Variants in ESRRG observed in about 807,000 individuals in gnomAD.
The protein encoded by ESRRG is estrogen-related receptor gamma.
A neutral mutation model predicts 44.0 loss-of-function variants in ESRRG; 13 were observed. The observed-to-expected ratio is 0.30, with a 90% confidence interval of 0.19 to 0.47. ESRRG has a LOEUF of 0.47. ESRRG is among the 20% of genes least tolerant of loss of function. The pLI is 1.00. For synonymous variants in ESRRG, 215 were observed against 214.6 expected, an observed-to-expected ratio of 1.00 and a Z score of -0.02; for missense variants, 395 against 580.6, an observed-to-expected ratio of 0.68 and a Z score of 3.29.
intron 2 of ESRRG, among the ~76,000 whole-genome samples, chr1:216,739,008 A>T (rs530728123): frequency 6.6e-6 from 1 of 152,236 alleles, no homozygotes; most frequent in East Asian, 1.9e-4. Flanking sequence ...GTCCCACTGC[A>T]ACCAGCCCCT....
chr1:216,898,853 A>G (rs1365251773), intron 2 of ESRRG, among the ~76,000 whole-genome samples: 2 of 152,192 alleles, frequency 1.3e-5, no homozygotes, highest in African/African-American at 4.8e-5. Flanking sequence ...AAACATGTCT[A>G]TGGAACACTG....
chr1:216,669,300 G>T (rs2074659751), intron 2 of ESRRG, among the ~76,000 whole-genome samples: 1 of 152,118 alleles, frequency 6.6e-6, no homozygotes, highest in South Asian at 2.1e-4. Context: ...CGTGGAAAAG[G>T]AATCACTACT....
intron 2 of ESRRG, among the ~76,000 whole-genome samples, chr1:216,886,244 C>T (rs1202406283): frequency 6.6e-6 from 1 of 152,134 alleles, no homozygotes. Context: ...ATGCACTGTC[C>T]TGTAGGGTCA....
chr1:216,983,532 G>C (rs747602528), intron 1 of ESRRG, among the ~76,000 whole-genome samples: 1 of 152,010 alleles, frequency 6.6e-6, no homozygotes, highest in African/African-American at 2.4e-5. Context: ...GATTTTTTTG[G>C]TGAGGGAGTT....
intron 2 of ESRRG, chr1:216,936,729 A>G (rs2149892701): frequency 6.6e-6 from 1 of 152,178 alleles, no homozygotes; most frequent in Non-Finnish European, 1.5e-5. Flanking sequence ...AAGAAGGAGA[A>G]GAAGACAAAC....
At chr1:216,944,688 T>A (rs1578473410) in intron 1 of ESRRG, among the ~76,000 whole-genome samples, 1 of 152,300 alleles carries the variant, frequency 6.6e-6, no homozygotes, top group Admixed American at 6.5e-5. Flanking sequence ...AAGTCATGAC[T>A]AGAAGCCAGA....
intron 2 of ESRRG, among the ~76,000 whole-genome samples, chr1:216,748,089 T>C (rs1462522888): frequency 6.6e-6 from 1 of 152,162 alleles, no homozygotes; most frequent in Admixed American, 6.6e-5. Flanking sequence ...ATTATTGATT[T>C]ACAAATAAAG....
chr1:216,857,116 C>T (rs566205047), intron 2 of ESRRG, among the ~76,000 whole-genome samples: 22 of 151,964 alleles, frequency 1.4e-4, no homozygotes, highest in Non-Finnish European at 2.2e-4. Flanking sequence ...TAATTTTTTA[C>T]GCTAATAATA....
intron 1 of ESRRG, among the ~76,000 whole-genome samples, chr1:217,125,783 A>G (rs2092881746): frequency 6.6e-6 from 1 of 152,194 alleles, no homozygotes; most frequent in South Asian, 2.1e-4. Flanking sequence ...TTATTATCAT[A>G]TGTGGTCAGA....
intron 2 of ESRRG, among the ~76,000 whole-genome samples, chr1:216,813,278 G>A (rs1432409440): frequency 6.6e-6 from 1 of 152,162 alleles, no homozygotes; most frequent in Non-Finnish European, 1.5e-5. Flanking sequence ...ACACTAAGTG[G>A]CTCAGCTGTG....
At chr1:216,805,693 T>C (rs540863733) in intron 2 of ESRRG, among the ~76,000 whole-genome samples, 7 of 152,016 alleles carry the variant, frequency 4.6e-5, no homozygotes, top group African/African-American at 1.4e-4. Flanking sequence ...GCAGTGACAA[T>C]TTGCTGAATC....
At chr1:216,661,990 C>G (rs2072572286) in intron 2 of ESRRG, among the ~76,000 whole-genome samples, 3 of 152,056 alleles carry the variant, frequency 2.0e-5, no homozygotes, top group African/African-American at 7.2e-5. Flanking sequence ...TTGGAGTTAC[C>G]TTCTTTATGA....
intron 2 of ESRRG, among the ~76,000 whole-genome samples, chr1:216,806,355 G>A (rs186267026): frequency 6.6e-6 from 1 of 152,288 alleles, no homozygotes; most frequent in Non-Finnish European, 1.5e-5. Flanking sequence ...GTTGCTGCAA[G>A]CCAATTACCT....
chr1:217,031,538 C>A (rs1456731594), intron 1 of ESRRG, among the ~76,000 whole-genome samples: 2 of 152,196 alleles, frequency 1.3e-5, no homozygotes, highest in Non-Finnish European at 2.9e-5. Context: ...AGAAACTCAG[C>A]CAAGGGAGAA....
intron 2 of ESRRG, among the ~76,000 whole-genome samples, chr1:216,847,154 C>A (rs1039204095): frequency 3.9e-5 from 6 of 151,994 alleles, no homozygotes; most frequent in African/African-American, 9.7e-5. Context: ...GTACCAGTTA[C>A]AGTACATCAA....
chr1:217,131,971 C>T (rs549957755), intron 1 of ESRRG, among the ~76,000 whole-genome samples: 2 of 152,236 alleles, frequency 1.3e-5, no homozygotes, highest in Admixed American at 6.5e-5. Context: ...AGACACTGAC[C>T]TCTTAGAAAA....
chr1:216,975,495 A>G (rs1177126577), intron 1 of ESRRG, among the ~76,000 whole-genome samples: 1 of 152,200 alleles, frequency 6.6e-6, no homozygotes, highest in African/African-American at 2.4e-5. Flanking sequence ...TTGCCCTGCC[A>G]ATTTGGCGGA....
At chr1:217,133,506 G>A (rs2092994178) in intron 1 of ESRRG, among the ~76,000 whole-genome samples, 1 of 152,256 alleles carries the variant, frequency 6.6e-6, no homozygotes. Context: ...AAATGTGTCT[G>A]AGGGTCCTTG....
At chr1:216,772,459 T>TAG (rs1170822538) in intron 2 of ESRRG, among the ~76,000 whole-genome samples, 1 of 152,146 alleles carries the variant, frequency 6.6e-6, no homozygotes, top group African/African-American at 2.4e-5. Flanking sequence ...TATATCACTC[T>TAG]ACCTTTAACC....
Sources: gnomAD v4.1 joint callset for allele counts (sites outside exome capture counted in the v4.1 genomes callset) on GRCh38, gnomAD v4.1.1 for gene constraint, MANE v1.5 for transcripts, NCBI Gene and HGNC (gene_info 2026-07-23, HGNC 2026-07-21) for gene names.